TBCA: variants seen among roughly 807,000 people sequenced by gnomAD.
TBCA encodes the protein tubulin folding cofactor A.
In TBCA, 6 loss-of-function variants were observed where a neutral mutation model predicts 15.8. That is an observed-to-expected ratio of 0.38 (90% confidence interval 0.21 to 0.75). The LOEUF (loss-of-function observed/expected upper bound fraction) is 0.75. Ranked by LOEUF, TBCA falls within the 30% of genes least tolerant of loss-of-function variation. The pLI is 0.46. For missense variants in TBCA, 90 were observed against 131.2 expected, an observed-to-expected ratio of 0.69 and a Z score of 1.53; for synonymous variants, 32 against 42.3, an observed-to-expected ratio of 0.76 and a Z score of 0.94.
At chr5:77,728,095 G>A (rs1336647354) in intron 1 of TBCA, among the ~76,000 whole-genome samples, 3 of 152,000 alleles carry the variant, frequency 2.0e-5, no homozygotes, top group African/African-American at 4.8e-5. Context: ...TACCAAGACC[G>A]TATTTCTAGT....
intron 1 of TBCA, among the ~76,000 whole-genome samples, chr5:77,759,059 T>C (rs1268723764): frequency 6.6e-6 from 1 of 152,148 alleles, no homozygotes; most frequent in Admixed American, 6.5e-5. Flanking sequence ...ACACTCCTGG[T>C]GGGGGGGTAG....
chr5:77,735,132 C>T (rs1285332091), intron 1 of TBCA, among the ~76,000 whole-genome samples: 5 of 152,072 alleles, frequency 3.3e-5, no homozygotes, highest in East Asian at 1.9e-4. Flanking sequence ...ACTGAACCAG[C>T]GATATCTCCA....
intron 1 of TBCA, among the ~76,000 whole-genome samples, chr5:77,773,565 T>C (rs1271503440): frequency 2.0e-5 from 3 of 152,144 alleles, no homozygotes; most frequent in Admixed American, 6.5e-5. Context: ...CAACATAGAA[T>C]AAAGGGCAGA....
At chr5:77,721,931 A>C (rs1022107184) in intron 1 of TBCA, among the ~76,000 whole-genome samples, 2 of 152,080 alleles carry the variant, frequency 1.3e-5, no homozygotes, top group African/African-American at 4.8e-5. Context: ...GCATTTTCAC[A>C]ACTGGAGGCT....
intron 1 of TBCA, among the ~76,000 whole-genome samples, chr5:77,754,032 A>G (rs907993598): frequency 1.3e-5 from 2 of 152,210 alleles, no homozygotes; most frequent in Non-Finnish European, 2.9e-5. Context: ...CTGGGATTAC[A>G]GGTGTGAGCC....
At chr5:77,748,840 T>C (rs1747248156) in intron 1 of TBCA, among the ~76,000 whole-genome samples, 1 of 152,212 alleles carries the variant, frequency 6.6e-6, no homozygotes, top group Non-Finnish European at 1.5e-5. Context: ...GCTGTATTCT[T>C]ACAATAAAAT....
chr5:77,771,229 A>G (rs1200488902), intron 1 of TBCA, among the ~76,000 whole-genome samples: 1 of 152,286 alleles, frequency 6.6e-6, no homozygotes, highest in East Asian at 1.9e-4. Flanking sequence ...AAAAGTATAC[A>G]TGTAACAAAA....
At chr5:77,753,981 C>G (rs1274730228) in intron 1 of TBCA, among the ~76,000 whole-genome samples, 1 of 152,194 alleles carries the variant, frequency 6.6e-6, no homozygotes, top group African/African-American at 2.4e-5. Context: ...GTCTCGAACT[C>G]CTGACTTCAA....
chr5:77,763,611 TAA>T lies in TBCA; in HGVS notation c.53+12592_53+12593del, dbSNP rs145979704. Among the ~76,000 whole-genome samples, 54 of 152,266 alleles carry T rather than the reference TAA, an allele frequency of 3.5e-4. 2 individuals carry two copies. In the East Asian group the frequency reaches 0.01, roughly 29 times the overall value. On this transcript the variant is annotated intron_variant, in intron 1 of 3. Transcript: ENST00000380377. Reference sequence around the variant, plus strand: ...CTCATGAATGAGATTAGTGCCCTTGTAAAAGAGACCTCAGAGAGCTCTCCAGA... The same window carrying T: ...CTCATGAATGAGATTAGTGCCCTTGTAAGAGACCTCAGAGAGCTCTCCAGA...
chr5:77,704,757 T>G (rs1746108715), intron 2 of TBCA, among the ~76,000 whole-genome samples: 1 of 152,168 alleles, frequency 6.6e-6, no homozygotes, highest in African/African-American at 2.4e-5. Flanking sequence ...TAAAGACAAG[T>G]TTTTAGGAAA....
intron 2 of TBCA, among the ~76,000 whole-genome samples, chr5:77,696,493 T>C (rs997386289): frequency 2.0e-5 from 3 of 152,180 alleles, no homozygotes; most frequent in African/African-American, 7.2e-5. Context: ...ATGTAAATGA[T>C]GTAAATACAC....
chr5:77,691,685 G>A, intron 3 of TBCA, 187 bp from the exon 4 acceptor site: 2 of 1,337,188 alleles, frequency 1.5e-6, no homozygotes, highest in Non-Finnish European at 1.9e-6. Context: ...ACAAGGAAAG[G>A]AAGAAATAAC....
intron 1 of TBCA, among the ~76,000 whole-genome samples, chr5:77,752,853 C>T (rs12655612): frequency 0.094 from 14,118 of 150,290 alleles, 4,470 homozygotes; most frequent in African/African-American, 0.18. Context: ...CCACCGCGCC[C>T]GGCCTCCGGC....
At chr5:77,742,298 CA>C (rs1747057733) in intron 1 of TBCA, among the ~76,000 whole-genome samples, 1 of 152,118 alleles carries the variant, frequency 6.6e-6, no homozygotes. Flanking sequence ...TTCAGATTTT[CA>C]GATAAGGAAT....
rs568180240 is a variant in TBCA, at chr5:77,715,263, G to A, written c.54-6916C>T. ...TAATGTACTCCAGCAAATTGAAGAC[G>A]AAAACCAAGAAAAGAAGCCATGAAA... On this transcript the variant is annotated intron_variant, in intron 1 of 3. Coordinates refer to ENST00000380377, the MANE Select transcript of TBCA (RefSeq NM_004607.3). 696 of 702,222 alleles carry A rather than the reference G, an allele frequency of 9.9e-4. 4 individuals carry two copies. Among genetic ancestry groups the A allele is most frequent in the South Asian group, 6.0e-3 (404 of 67,578 alleles). 43.5% of individuals were successfully genotyped at this position (702,222 alleles called of 1,614,324 possible).
chr5:77,751,935 G>A (rs528557072), intron 1 of TBCA, among the ~76,000 whole-genome samples: 5 of 152,230 alleles, frequency 3.3e-5, no homozygotes, highest in African/African-American at 9.6e-5. Flanking sequence ...TCCTGGGTAG[G>A]GGGTGCCACA....
At chr5:77,738,332 A>G (rs1746955808) in intron 1 of TBCA, among the ~76,000 whole-genome samples, 2 of 152,238 alleles carry the variant, frequency 1.3e-5, no homozygotes, top group African/African-American at 4.8e-5. Flanking sequence ...GCCTATGTTC[A>G]AGTCTTAGTT....
At chr5:77,735,848 T>C (rs143176212) in intron 1 of TBCA, among the ~76,000 whole-genome samples, 1 of 152,362 alleles carries the variant, frequency 6.6e-6, no homozygotes, top group African/African-American at 2.4e-5. Context: ...TTATGTGCTC[T>C]ATTCATAAAT....
intron 1 of TBCA, among the ~76,000 whole-genome samples, chr5:77,768,669 T>A (rs1394301579): frequency 6.6e-6 from 1 of 152,158 alleles, no homozygotes; most frequent in Non-Finnish European, 1.5e-5. Context: ...TCAAAGACAG[T>A]AAGATGTAGG....
Sources: gnomAD v4.1 joint callset for allele counts (sites outside exome capture counted in the v4.1 genomes callset) on GRCh38, gnomAD v4.1.1 for gene constraint, MANE v1.5 for transcripts, NCBI Gene and HGNC (gene_info 2026-07-23, HGNC 2026-07-21) for gene names.